Variants in DDX5 observed in about 807,000 individuals in gnomAD.
The protein encoded by DDX5 is probable ATP-dependent RNA helicase DDX5.
Under a neutral mutation model 68.6 loss-of-function variants are expected in DDX5, and 6 were observed. That is an observed-to-expected ratio of 0.09 (90% CI 0.05 to 0.17). DDX5 has a LOEUF of 0.17. Ranked by LOEUF, DDX5 falls within the 10% of genes least tolerant of loss-of-function variation. The pLI is 1.00. For missense variants in DDX5, 499 were observed against 756.1 expected, an observed-to-expected ratio of 0.66 and a Z score of 3.99; for synonymous variants, 350 against 247.0, an observed-to-expected ratio of 1.42 and a Z score of -3.91.
At position 64,498,512 on chromosome 17, in the gene DDX5, C is replaced by T. The variant is rs1444417421; in HGVS notation, c.*1411G>A. Among the ~76,000 whole-genome samples the T allele has an allele frequency of 6.6e-6, 1 of 152,186 alleles. No homozygotes were observed. Among genetic ancestry groups the T allele is most frequent in the Non-Finnish European group, 1.5e-5 (1 of 68,036 alleles). On this transcript the variant is annotated 3_prime_UTR_variant, in exon 13 of 13. Coordinates refer to ENST00000225792, the MANE Select transcript of DDX5 (RefSeq NM_004396.5). ...AAAACCATGAATTTGACTAACCATG[C>T]CATTGAAAACCATCCAGGTTACTAC... is the stretch of plus-strand genomic sequence containing the variant.
Position 64,499,665 on chromosome 17 carries a change from A to G in DDX5, c.*258T>C. On this transcript the variant is annotated 3_prime_UTR_variant, in exon 13 of 13. Transcript: ENST00000225792. ...TATTGGAAGGCCATGCATTGCCTTC[A>G]TTTATTGTATTTCAAATCACTGTAC... 2.7e-6 allele frequency: 1 copy of G among 369,596 alleles called. No individual in the cohort carries two copies. The highest frequency in any genetic ancestry group is 4.0e-5 in the East Asian group (1 of 25,044). 22.9% of individuals were successfully genotyped at this position (369,596 alleles called of 1,614,324 possible). A position where few individuals can be genotyped will look rare whatever the true frequency, so the allele number is the denominator to read the frequency against.
At chr17:64,505,084 G>T in intron 1 of DDX5, 1 of 393,330 alleles carries the variant, frequency 2.5e-6, no homozygotes, top group Non-Finnish European at 4.5e-6. Context: ...TCGGAAGCCG[G>T]GGATTTATCA....
In DDX5 at chr17:64,502,014, C is replaced by T; in HGVS notation, c.1212G>A (p.Gly404=). ...ILIATDVASR[G]LDVEDVKFVI... is the part of the protein sequence containing the mutation. Reference sequence around the variant, plus strand: ...TGAATGCGAGTTTGTACTAACCTAGCCCTCTGGAGGCCACATCTGTAGCAA... The same window carrying T: ...TGAATGCGAGTTTGTACTAACCTAGTCCTCTGGAGGCCACATCTGTAGCAA... Residue 404 remains glycine, a synonymous_variant, in exon 11 of 13, where the codon GGG becomes GGA. Coordinates refer to ENST00000225792, the MANE Select transcript of DDX5 (RefSeq NM_004396.5). 1.9e-6 allele frequency: 3 copies of T among 1,614,158 alleles called. No homozygotes were observed. Among genetic ancestry groups the T allele is most frequent in the Non-Finnish European group, 2.5e-6 (3 of 1,180,008 alleles).
chr17:64,502,611 C>T (rs1283689353), intron 8 of DDX5, 62 bp from the exon 9 acceptor site: 1 of 1,176,166 alleles, frequency 8.5e-7, no homozygotes, highest in Non-Finnish European at 1.2e-6. Context: ...TAGGGCCACA[C>T]ATTTATGGTC....
Position 64,505,392 on chromosome 17 carries a change from A to C in DDX5, c.45-550T>G, listed in dbSNP as rs2038437689. 7.0e-5 allele frequency: 34 copies of C among 483,998 alleles called. No individual in the cohort carries two copies. In the South Asian group the frequency reaches 7.5e-4, roughly 11 times the overall value. The allele number at this position is 483,998 out of a possible 1,614,324, so 30.0% of individuals were successfully genotyped here. ...CGGTAGAGCTCCGGATCAACGAATC[A>C]AAATTATATAACGCAGGAAAAAAGA... is the stretch of plus-strand genomic sequence containing the variant. On this transcript the variant is annotated intron_variant, in intron 1 of 12. Transcript: ENST00000225792.
rs2038337736 is a variant in DDX5, at chr17:64,503,017, T to C, written c.892A>G (p.Ile298Val). 6.2e-7 allele frequency: 1 copy of C among 1,614,036 alleles called. No individual in the cohort carries two copies. Residue 298 changes from isoleucine to valine, a missense_variant, in exon 8 of 13, where the codon ATT becomes GTT. Physicochemically the swap from Ile to Val is conservative, Grantham distance 29. Around this residue, in one of 5 missense-constraint regions of DDX5, gnomAD observed 141 missense variants for 279.8 expected, o/e 0.50. Transcript: ENST00000225792. ...TCAAGTGCACCAATGTTTATATGAA[T>C]ATAGTCTTTCAGGAAATCTTCAGCA... is the stretch of plus-strand genomic sequence containing the variant. ...QLAEDFLKDY[I>V]HINIGALELS...
Position 64,500,169 on chromosome 17 carries a change from A to T in DDX5, c.1599T>A (p.Gly533=). The change falls in exon 13 of 13, where the codon GGT becomes GGA. Residue 533 remains glycine (G), a synonymous_variant. Transcript: ENST00000225792. ...KRDFGAKTQN[G]VYSAANYTNG... is the part of the protein sequence containing the mutation. ...TGGTGTAATTTGCAGCACTGTAAAC[A>T]CCATTCTGAGTTTTTGCCCCAAAAT... 1 of 1,614,148 alleles carries T rather than the reference A, an allele frequency of 6.2e-7. No homozygotes were observed. The highest frequency in any genetic ancestry group is 8.5e-7 in the Non-Finnish European group (1 of 1,180,020).
rs142019234 is a variant in DDX5 at position 64,503,060 on chromosome 17, T to C, written c.849A>G (p.Pro283=). Residue 283 remains proline, a synonymous_variant, in exon 8 of 13, where the codon CCA becomes CCG. Transcript: ENST00000225792. Reference sequence around the variant, plus strand: ...CTTCAGCAAGCTGTCTTACTTCTTTTGGCCAAGTCGCACTCCACATTAGAG... The same window carrying C: ...CTTCAGCAAGCTGTCTTACTTCTTTCGGCCAAGTCGCACTCCACATTAGAG... ...RQTLMWSATW[P]KEVRQLAEDF... 42 of 1,614,058 alleles carry C rather than the reference T, an allele frequency of 2.6e-5. No homozygotes were observed. In the African/African-American group the frequency reaches 5.3e-4, roughly 20 times the overall value.
intron 8 of DDX5, 61 bp from the exon 9 acceptor site, chr17:64,502,610 A>C (rs1312777898): frequency 8.3e-7 from 1 of 1,205,110 alleles, no homozygotes; most frequent in Non-Finnish European, 1.2e-6. Flanking sequence ...CTAGGGCCAC[A>C]CATTTATGGT....
Position 64,498,854 on chromosome 17 carries a change from T to C in DDX5, c.*1069A>G, listed in dbSNP as rs1416833266. On this transcript the variant is annotated 3_prime_UTR_variant, in exon 13 of 13. Coordinates refer to ENST00000225792, the MANE Select transcript of DDX5 (RefSeq NM_004396.5). ...CAATAAACCCATGTTGAACCTACCA[T>C]GAAAACTTTCATTCACTGTGCTTTT... Among the ~76,000 whole-genome samples the C allele has an allele frequency of 3.3e-5, 5 of 152,248 alleles. No homozygotes were observed. The highest frequency in any genetic ancestry group is 1.2e-4 in the African/African-American group (5 of 41,466).
rs199881342 is a variant in DDX5, at chr17:64,503,649, TTTC to T, written c.508-81_508-79del. 1.5e-4 allele frequency: 232 copies of T among 1,579,258 alleles called. 1 individual carries two copies. In the East Asian group the frequency reaches 5.0e-3, roughly 34 times the overall value. On this transcript the variant is annotated intron_variant, in intron 5 of 12. Coordinates refer to ENST00000225792, the MANE Select transcript of DDX5 (RefSeq NM_004396.5). ...GCTAACTTATTATACTAGCAGATCC[TTTC>T]TTCATGTGTTGTCCAATACCCAAAA...
intron 8 of DDX5, 46 bp downstream of exon 8, chr17:64,502,880 A>T: frequency 2.0e-6 from 3 of 1,510,578 alleles, no homozygotes; most frequent in Non-Finnish European, 2.7e-6. Flanking sequence ...TCAATTTTAC[A>T]GCAAAGTTGT....
rs373719318 is a variant in DDX5, at chr17:64,504,295, T to G, written c.234A>C (p.Arg78Ser). ...RTAQEVETYRRSKEITVRGHN... is the reference protein window; with the variant it reads ...RTAQEVETYRSSKEITVRGHN... ...GACCTCTAACTGTAATTTCCTTGCT[T>G]CTTCTGTATGTTTCCACCTCTTGCT... Residue 78 changes from arginine to serine, a missense_variant, in exon 3 of 13, where the codon AGA becomes AGC. Arg to Ser is a moderately radical substitution (Grantham distance 110, BLOSUM62 -1). Transcript: ENST00000225792. 9.0e-5 allele frequency: 146 copies of G among 1,613,940 alleles called. 1 individual carries two copies. The highest frequency in any genetic ancestry group is 1.6e-4 in the Middle Eastern group (1 of 6,084).
At chr17:64,506,020 A>AGCC in intron 1 of DDX5, 56 bp downstream of exon 1, 35 of 868,058 alleles carry the variant, frequency 4.0e-5, no homozygotes, top group South Asian at 1.6e-4. Flanking sequence ...CGCCACCCTG[A>AGCC]CCCGCCCTCC....
Position 64,498,688 on chromosome 17 carries a change from CT to C in DDX5, c.*1234del, listed in dbSNP as rs2038215667. 6.6e-6 allele frequency among the ~76,000 whole-genome samples: 1 copy of C among 151,304 alleles called. No homozygotes were observed. Among genetic ancestry groups the C allele is most frequent in the African/African-American group, 2.5e-5 (1 of 40,732 alleles). On this transcript the variant is annotated 3_prime_UTR_variant, in exon 13 of 13. Transcript: ENST00000225792. ...AATTTAAATGAAGTCTCCTGAAGAC[CT>C]CTCTTCTGGCAAAAAAAAACACGTA...
At chr17:64,502,348 GAT>G in intron 9 of DDX5, 89 bp downstream of exon 9, 10 of 1,446,738 alleles carry the variant, frequency 6.9e-6, no homozygotes, top group Non-Finnish European at 8.7e-6. Context: ...TTCACTATCA[GAT>G]ATGAAAAAAA....
chr17:64,500,441 T>C, intron 12 of DDX5, 108 bp downstream of exon 12: 2 of 1,523,828 alleles, frequency 1.3e-6, no homozygotes, highest in Non-Finnish European at 8.9e-7. Context: ...ATTTTTCAGC[T>C]TAAGTTTTCA....
At chr17:64,504,178 G>A in intron 3 of DDX5, 44 bp downstream of exon 3, 1 of 1,612,298 alleles carries the variant, frequency 6.2e-7, no homozygotes, top group Non-Finnish European at 8.5e-7. Flanking sequence ...GGGGGTAGGT[G>A]GAAACAAAAA....
chr17:64,506,060 C>T lies in DDX5; in HGVS notation c.44+16G>A, dbSNP rs1555672457. ...CCCCCACCCGCCAGGCCTGACAGCT[C>T]GGCTCCCAAACTCACCCTCGGTCCC... On this transcript the variant is annotated intron_variant, in intron 1 of 12. Transcript: ENST00000225792. 2.5e-6 allele frequency: 4 copies of T among 1,588,228 alleles called. No individual in the cohort carries two copies. Among genetic ancestry groups the T allele is most frequent in the African/African-American group, 1.4e-5 (1 of 73,948 alleles).
Sources: allele counts gnomAD v4.1 joint callset (sites outside exome capture counted in the v4.1 genomes callset), GRCh38; gene constraint gnomAD v4.1.1; regional missense constraint gnomAD v4.1.1; transcripts MANE v1.5; gene names NCBI Gene and HGNC (gene_info 2026-07-23, HGNC 2026-07-21).